ST6GALNAC3: variants seen among roughly 807,000 people sequenced by gnomAD.
The protein encoded by ST6GALNAC3 is ST6 N-acetylgalactosaminide alpha-2,6-sialyltransferase 3.
A neutral mutation model predicts 32.7 loss-of-function variants in ST6GALNAC3; 25 were observed. The observed-to-expected ratio is 0.76, with a 90% CI of 0.56 to 1.07. ST6GALNAC3 has a LOEUF of 1.07. Among genes scored for constraint, ST6GALNAC3 ranks in the 50% least tolerant of loss-of-function variants. The probability of loss-of-function intolerance (pLI) is 0.00; values close to 1 mark genes in which losing one functional copy is unlikely to be tolerated. For synonymous variants in ST6GALNAC3, 129 were observed against 133.1 expected (o/e 0.97, Z 0.21); for missense variants, 355 against 382.4 (o/e 0.93, Z 0.60).
At chr1:76,459,328 G>A (rs1363156394) in intron 3 of ST6GALNAC3, among the ~76,000 whole-genome samples, 5 of 152,148 alleles carry the variant, frequency 3.3e-5, no homozygotes, top group Non-Finnish European at 7.4e-5. Flanking sequence ...ACTTTGGGAG[G>A]CCAAGGCAGG....
chr1:76,304,077 TATA>T (rs1271318550), intron 1 of ST6GALNAC3, among the ~76,000 whole-genome samples: 1 of 152,106 alleles, frequency 6.6e-6, no homozygotes, highest in African/African-American at 2.4e-5. Context: ...AACATATTTT[TATA>T]ATAATCTGAA....
In ST6GALNAC3 at chr1:76,204,917, G is replaced by A. The variant is rs549469500; in HGVS notation, c.19-108888G>A. The stretch of plus-strand genomic sequence containing the variant: ...CCCTAACTCTTAGGGTTCTTTCGCA[G>A]ACTTAGATGAATTGATATATGCAAA... On this transcript the variant is annotated intron_variant, in intron 1 of 4. Coordinates refer to ENST00000328299, the MANE Select transcript of ST6GALNAC3 (RefSeq NM_152996.4). 5.9e-5 allele frequency among the ~76,000 whole-genome samples: 9 copies of A among 152,238 alleles called. No individual in the cohort carries two copies. The South Asian group carries it at 1.9e-3, about 32-fold the overall frequency.
At position 76,546,716 on chromosome 1, in the gene ST6GALNAC3, A is replaced by G. The variant is rs535370201; in HGVS notation, c.624-80736A>G. ...AGGCCCAGGAGGCACAGTGGTTGGC[A>G]AATTAAATTCAGGCCAGCCATGCAG... On this transcript the variant is annotated intron_variant, in intron 3 of 4. Coordinates refer to ENST00000328299, the MANE Select transcript of ST6GALNAC3 (RefSeq NM_152996.4). Among the ~76,000 whole-genome samples the G allele has an allele frequency of 2.2e-3, 341 of 152,304 alleles. 1 individual carries two copies. Among genetic ancestry groups the G allele is most frequent in the African/African-American group, 7.8e-3 (323 of 41,556 alleles).
At chr1:76,299,199 T>C (rs2100841885) in intron 1 of ST6GALNAC3, among the ~76,000 whole-genome samples, 1 of 152,212 alleles carries the variant, frequency 6.6e-6, no homozygotes, top group Non-Finnish European at 1.5e-5. Context: ...GGCTAGGTGC[T>C]GAAGGAGACA....
intron 1 of ST6GALNAC3, among the ~76,000 whole-genome samples, chr1:76,238,474 G>A (rs1656781671): frequency 6.6e-6 from 1 of 152,168 alleles, no homozygotes; most frequent in Non-Finnish European, 1.5e-5. Flanking sequence ...GACATTTGTT[G>A]AGGGTATTTT....
At chr1:76,433,378 T>C (rs183529979) in intron 3 of ST6GALNAC3, among the ~76,000 whole-genome samples, 8 of 152,328 alleles carry the variant, frequency 5.3e-5, no homozygotes, top group African/African-American at 1.9e-4. Context: ...GTGTGCAATA[T>C]GCTCTAAAGT....
intron 3 of ST6GALNAC3, among the ~76,000 whole-genome samples, chr1:76,599,388 A>C (rs1647184892): frequency 1.3e-5 from 2 of 152,072 alleles, no homozygotes; most frequent in South Asian, 4.1e-4. Flanking sequence ...CCATCCACCC[A>C]TTATCTAGGT....
At chr1:76,350,617 T>A (rs1648897811) in intron 2 of ST6GALNAC3, among the ~76,000 whole-genome samples, 1 of 152,196 alleles carries the variant, frequency 6.6e-6, no homozygotes, top group African/African-American at 2.4e-5. Flanking sequence ...TGTCTTAGAT[T>A]TTTAAACTAA....
At chr1:76,185,324 A>G (rs1311647259) in intron 1 of ST6GALNAC3, among the ~76,000 whole-genome samples, 1 of 152,168 alleles carries the variant, frequency 6.6e-6, no homozygotes, top group African/African-American at 2.4e-5. Context: ...CTGCTTGGAG[A>G]GGTTCACAAC....
intron 1 of ST6GALNAC3, among the ~76,000 whole-genome samples, chr1:76,183,896 T>A (rs475686): frequency 0.18 from 24,184 of 133,272 alleles, 2,270 homozygotes; most frequent in Non-Finnish European, 0.2. Context: ...ATATGTTATA[T>A]ATTTGTTATT....
At chr1:76,559,559 G>A (rs1355725426) in intron 3 of ST6GALNAC3, among the ~76,000 whole-genome samples, 1 of 152,038 alleles carries the variant, frequency 6.6e-6, no homozygotes, top group Non-Finnish European at 1.5e-5. Flanking sequence ...TCCTTCAAAG[G>A]GTACCATCAA....
At chr1:76,570,249 T>G (rs315016) in intron 3 of ST6GALNAC3, among the ~76,000 whole-genome samples, 18,879 of 152,146 alleles carry the variant, frequency 0.12, 2,103 homozygotes, top group African/African-American at 0.29. Flanking sequence ...TGGAATGTTA[T>G]TAAAAATGTA....
At chr1:76,196,374 A>G (rs774069476) in intron 1 of ST6GALNAC3, among the ~76,000 whole-genome samples, 4 of 152,192 alleles carry the variant, frequency 2.6e-5, no homozygotes, top group South Asian at 2.1e-4. Context: ...GTAGCACACT[A>G]TAAGAAACTG....
intron 1 of ST6GALNAC3, among the ~76,000 whole-genome samples, chr1:76,282,866 TAA>T (rs35306096): frequency 2.2e-5 from 3 of 139,370 alleles, no homozygotes; most frequent in Non-Finnish European, 4.6e-5. Context: ...CCATCTCTAC[TAA>T]AAAAAAAAAA....
intron 1 of ST6GALNAC3, among the ~76,000 whole-genome samples, chr1:76,248,610 C>G (rs1657441493): frequency 6.6e-6 from 1 of 152,076 alleles, no homozygotes; most frequent in African/African-American, 2.4e-5. Context: ...GCTGAAGATC[C>G]ATAATTTTGA....
At chr1:76,415,412 A>G (rs897192203) in intron 3 of ST6GALNAC3, among the ~76,000 whole-genome samples, 38 of 151,874 alleles carry the variant, frequency 2.5e-4, no homozygotes, top group African/African-American at 8.7e-4. Flanking sequence ...ATAGAAACCA[A>G]TCCTGTTCTC....
chr1:76,238,421 C>T (rs1034171391), intron 1 of ST6GALNAC3, among the ~76,000 whole-genome samples: 2 of 152,154 alleles, frequency 1.3e-5, no homozygotes, highest in Non-Finnish European at 2.9e-5. Context: ...CCAGGCAGGC[C>T]ATTACGGGGT....
At chr1:76,257,447 G>A (rs1657983296) in intron 1 of ST6GALNAC3, among the ~76,000 whole-genome samples, 1 of 152,098 alleles carries the variant, frequency 6.6e-6, no homozygotes, top group Non-Finnish European at 1.5e-5. Context: ...TACATTTGGG[G>A]TGGAATCCAG....
chr1:76,082,987 C>T (rs11585383), intron 1 of ST6GALNAC3, among the ~76,000 whole-genome samples: 22,564 of 152,000 alleles, frequency 0.15, 2,129 homozygotes, highest in Middle Eastern at 0.32. Flanking sequence ...AACTATCGCA[C>T]GTAAAATCCT....
Sources: allele counts gnomAD v4.1 joint callset (sites outside exome capture counted in the v4.1 genomes callset), GRCh38; gene constraint gnomAD v4.1.1; transcripts MANE v1.5; gene names NCBI Gene and HGNC (gene_info 2026-07-23, HGNC 2026-07-21).